Variants in ERC1 observed in about 807,000 individuals in gnomAD.
ERC1 encodes the protein RAB6 interacting protein 2.
Under a neutral mutation model 132.0 loss-of-function variants are expected in ERC1, and 56 were observed. The observed-to-expected ratio is 0.42, with a 90% CI of 0.34 to 0.53. ERC1 has a LOEUF of 0.53. Ranked by LOEUF, ERC1 falls within the 20% of genes least tolerant of loss-of-function variation. The probability of loss-of-function intolerance (pLI) is 0.03; values close to 1 mark genes in which losing one functional copy is unlikely to be tolerated. For missense variants in ERC1, 1,202 were observed against 1,349.9 expected, an observed-to-expected ratio of 0.89 and a Z score of 1.72; for synonymous variants, 478 against 476.1, an observed-to-expected ratio of 1.00 and a Z score of -0.05.
At chr12:1,020,082 T>C (rs1966114374) in intron 1 of ERC1, among the ~76,000 whole-genome samples, 1 of 152,046 alleles carries the variant, frequency 6.6e-6, no homozygotes, top group African/African-American at 2.4e-5. Context: ...TGTGATCCAA[T>C]ATGCGCACTT....
intron 17 of ERC1, among the ~76,000 whole-genome samples, chr12:1,429,023 C>A (rs995812898): frequency 3.3e-5 from 5 of 152,188 alleles, no homozygotes; most frequent in Non-Finnish European, 7.4e-5. Context: ...TTGCTCTATA[C>A]AATATTCAAA....
At chr12:1,091,876 A>T (rs1943266090) in intron 3 of ERC1, among the ~76,000 whole-genome samples, 1 of 152,214 alleles carries the variant, frequency 6.6e-6, no homozygotes, top group African/African-American at 2.4e-5. Flanking sequence ...AGATGTACAG[A>T]ATATCACTAG....
intron 18 of ERC1, among the ~76,000 whole-genome samples, chr12:1,485,355 C>T (rs1321951612): frequency 6.6e-6 from 1 of 151,814 alleles, no homozygotes; most frequent in Non-Finnish European, 1.5e-5. Flanking sequence ...TAGGCGCCCG[C>T]CACCACGCCT....
At chr12:1,160,164 G>T (rs1951756794) in intron 8 of ERC1, among the ~76,000 whole-genome samples, 1 of 152,096 alleles carries the variant, frequency 6.6e-6, no homozygotes, top group Admixed American at 6.6e-5. Context: ...TTGAAGGATT[G>T]TCAATCCTTC....
chr12:1,166,346 A>G (rs1283928534), intron 8 of ERC1, among the ~76,000 whole-genome samples: 1 of 152,158 alleles, frequency 6.6e-6, no homozygotes, highest in Non-Finnish European at 1.5e-5. Flanking sequence ...CTTCCAAGCA[A>G]GTCACATGGT....
chr12:1,308,113 C>T (rs1026381342), intron 15 of ERC1, among the ~76,000 whole-genome samples: 8 of 152,086 alleles, frequency 5.3e-5, no homozygotes, highest in African/African-American at 1.9e-4. Context: ...AGTGTCCTAA[C>T]CTCTGACAGG....
rs577227271 is a variant in ERC1 at position 1,181,731 on chromosome 12, C to T, written c.1876-194C>T. ...CCGAGAGGCAGAGGTTATGGTGAGC[C>T]GAGATCACGCCATTACACTCGAGCC... On this transcript the variant is annotated intron_variant, in intron 9 of 18. Coordinates refer to ENST00000360905, the MANE Select transcript of ERC1 (RefSeq NM_178040.4). Among the ~76,000 whole-genome samples the T allele has an allele frequency of 4.5e-4, 68 of 150,252 alleles. No homozygotes were observed. In the South Asian group the frequency reaches 7.6e-3, roughly 17 times the overall value.
At chr12:1,191,268 T>A (rs1195753478) in intron 12 of ERC1, among the ~76,000 whole-genome samples, 2 of 152,122 alleles carry the variant, frequency 1.3e-5, no homozygotes, top group African/African-American at 4.8e-5. Flanking sequence ...TTTTTATGTC[T>A]TCATTTTTGC....
intron 6 of ERC1, among the ~76,000 whole-genome samples, chr12:1,114,760 T>G (rs1946273071): frequency 6.6e-6 from 1 of 152,210 alleles, no homozygotes; most frequent in Admixed American, 6.5e-5. Context: ...TTGTATACAA[T>G]AAGCATACAG....
intron 13 of ERC1, among the ~76,000 whole-genome samples, chr12:1,257,833 A>G (rs1470012989): frequency 6.6e-6 from 1 of 152,232 alleles, no homozygotes; most frequent in Non-Finnish European, 1.5e-5. Context: ...AAAAGGAAAC[A>G]TTAATTTTAA....
intron 13 of ERC1, among the ~76,000 whole-genome samples, chr12:1,243,952 C>A (rs1415990707): frequency 6.6e-6 from 1 of 152,080 alleles, no homozygotes; most frequent in Non-Finnish European, 1.5e-5. Context: ...GAGCTAAGAC[C>A]AAAGCTGTTA....
chr12:1,099,035 T>C (rs1455157900), intron 3 of ERC1, among the ~76,000 whole-genome samples: 1 of 152,174 alleles, frequency 6.6e-6, no homozygotes, highest in African/African-American at 2.4e-5. Flanking sequence ...TGAATGCTTC[T>C]GAGAGTTCCA....
At chr12:1,290,786 G>A (rs1333194217) in intron 15 of ERC1, among the ~76,000 whole-genome samples, 1 of 151,946 alleles carries the variant, frequency 6.6e-6, no homozygotes, top group African/African-American at 2.4e-5. Flanking sequence ...CTCGTTCTGT[G>A]AGCAGTTATC....
chr12:1,332,520 GTGT>G lies in ERC1; in HGVS notation c.2781-39311_2781-39309del, dbSNP rs200262748. On this transcript the variant is annotated intron_variant, in intron 15 of 18. Transcript: ENST00000360905. ...TGGCCAAACTGAAATTCCTTTGGTG[GTGT>G]TTGCAGGTTTGCTTCCCTGCTAGGC... is the stretch of plus-strand genomic sequence containing the variant. 1.0e-3 allele frequency among the ~76,000 whole-genome samples: 156 copies of G among 152,282 alleles called. No homozygotes were observed. The East Asian group carries it at 0.021, about 21-fold the overall frequency.
At chr12:1,246,761 T>C (rs1186568750) in intron 13 of ERC1, among the ~76,000 whole-genome samples, 1 of 152,140 alleles carries the variant, frequency 6.6e-6, no homozygotes, top group Non-Finnish European at 1.5e-5. Context: ...TGTTATTCTT[T>C]CCAAAAATGT....
intron 3 of ERC1, among the ~76,000 whole-genome samples, chr12:1,095,775 C>A (rs1373676595): frequency 2.0e-5 from 3 of 152,136 alleles, no homozygotes; most frequent in Non-Finnish European, 4.4e-5. Context: ...TATGAGCTCA[C>A]TGACTGGAAG....
intron 17 of ERC1, among the ~76,000 whole-genome samples, chr12:1,439,799 T>C (rs2093052041): frequency 1.3e-5 from 2 of 152,202 alleles, no homozygotes; most frequent in Non-Finnish European, 2.9e-5. Flanking sequence ...CTCTTTCTAC[T>C]TGGCAAATGT....
intron 3 of ERC1, among the ~76,000 whole-genome samples, chr12:1,103,663 A>G (rs1430723648): frequency 2.0e-5 from 3 of 152,092 alleles, no homozygotes; most frequent in Admixed American, 6.6e-5. Context: ...GAAGACTCAT[A>G]GGTTTGTGGC....
chr12:1,195,841 G>A (rs1212254674), intron 12 of ERC1, among the ~76,000 whole-genome samples: 1 of 148,552 alleles, frequency 6.7e-6, no homozygotes, highest in Admixed American at 6.9e-5. Flanking sequence ...CCAACCCAGT[G>A]CATTCAAATG....
Sources: allele counts gnomAD v4.1 joint callset (sites outside exome capture counted in the v4.1 genomes callset), GRCh38; gene constraint gnomAD v4.1.1; transcripts MANE v1.5; gene names NCBI Gene and HGNC (gene_info 2026-07-23, HGNC 2026-07-21).